Variants in TUSC3 observed in about 807,000 individuals in gnomAD.
TUSC3 encodes dolichyl-diphosphooligosaccharide--protein glycosyltransferase subunit TUSC3.
TUSC3 carries 45 observed loss-of-function variants against 44.8 expected under a neutral mutation model. That is an observed-to-expected ratio of 1.00 (90% CI 0.79 to 1.29). The LOEUF (loss-of-function observed/expected upper bound fraction) is 1.29. Among genes scored for constraint, TUSC3 ranks in the 50% most tolerant of loss-of-function variants. The pLI, the probability that TUSC3 is intolerant of heterozygous loss-of-function variation, is 0.00. For synonymous variants in TUSC3, 212 were observed against 152.9 expected, an observed-to-expected ratio of 1.39 and a Z score of -2.85; for missense variants, 519 against 437.9, an observed-to-expected ratio of 1.19 and a Z score of -1.65.
chr8:15,774,823 T>TA, the TUSC3 span, among the ~76,000 whole-genome samples: 3 of 152,034 alleles, frequency 2.0e-5, no homozygotes, highest in South Asian at 4.1e-4. Flanking sequence ...ATTTTTTTTT[T>TA]AAAGGAAAAT....
At chr8:15,715,414 A>G (rs935545828) in intron 6 of TUSC3, among the ~76,000 whole-genome samples, 1 of 152,074 alleles carries the variant, frequency 6.6e-6, no homozygotes, top group East Asian at 1.9e-4. Flanking sequence ...TGATCTGTCA[A>G]CCTGATAACT....
At chr8:15,851,731 T>C in the TUSC3 span, among the ~76,000 whole-genome samples, 2 of 152,250 alleles carry the variant, frequency 1.3e-5, no homozygotes, top group Non-Finnish European at 2.9e-5. Flanking sequence ...TTCATTTTGC[T>C]GTTAGCATTC....
At chr8:15,807,930 G>A in the TUSC3 span, among the ~76,000 whole-genome samples, 1 of 152,088 alleles carries the variant, frequency 6.6e-6, no homozygotes, top group African/African-American at 2.4e-5. Context: ...CTATATCTGG[G>A]GGACAGAGCA....
the TUSC3 span, among the ~76,000 whole-genome samples, chr8:15,800,031 G>A: frequency 6.6e-6 from 1 of 152,070 alleles, no homozygotes; most frequent in East Asian, 1.9e-4. Flanking sequence ...TGTTTATAAC[G>A]GGCAGCAAGC....
At chr8:15,666,781 T>C (rs1182156686) in intron 5 of TUSC3, among the ~76,000 whole-genome samples, 1 of 151,494 alleles carries the variant, frequency 6.6e-6, no homozygotes, top group East Asian at 1.9e-4. Context: ...ACAGTTCTGC[T>C]CATCAGGCAA....
At chr8:15,746,972 C>T (rs949330596) in intron 8 of TUSC3, among the ~76,000 whole-genome samples, 1 of 151,718 alleles carries the variant, frequency 6.6e-6, no homozygotes, top group Non-Finnish European at 1.5e-5. Context: ...TATTTTCTCC[C>T]AATATTCATT....
intron 1 of TUSC3, among the ~76,000 whole-genome samples, chr8:15,616,724 G>C (rs968617788): frequency 6.6e-6 from 1 of 152,222 alleles, no homozygotes; most frequent in African/African-American, 2.4e-5. Context: ...TGGGGGCTCT[G>C]ACCTCGAGAC....
At chr8:15,740,473 C>T (rs1014601932) in intron 7 of TUSC3, among the ~76,000 whole-genome samples, 1 of 151,630 alleles carries the variant, frequency 6.6e-6, no homozygotes, top group Non-Finnish European at 1.5e-5. Context: ...AAAATGTTGT[C>T]CTCCAAGTTA....
the TUSC3 span, among the ~76,000 whole-genome samples, chr8:15,838,143 T>G: frequency 1.3e-5 from 2 of 152,208 alleles, no homozygotes; most frequent in Admixed American, 1.3e-4. Context: ...AGAGCCTTTG[T>G]CTGTGCCCTG....
intron 1 of TUSC3, among the ~76,000 whole-genome samples, chr8:15,427,229 C>T (rs115158679): frequency 0.65 from 94,278 of 144,760 alleles, 32,968 homozygotes; most frequent in Non-Finnish European, 0.77. Context: ...AAGGTTTTTC[C>T]TTTTTTTTTT....
chr8:15,432,739 C>T (rs1799886861), intron 1 of TUSC3, among the ~76,000 whole-genome samples: 1 of 151,934 alleles, frequency 6.6e-6, no homozygotes, highest in African/African-American at 2.4e-5. Flanking sequence ...TCTCGGATCC[C>T]CTCACCCCGC....
At chr8:15,524,535 A>T (rs1801347592) in intron 2 of TUSC3, among the ~76,000 whole-genome samples, 1 of 152,228 alleles carries the variant, frequency 6.6e-6, no homozygotes. Context: ...CCATGTGGAA[A>T]TGATATCCAA....
chr8:15,450,411 C>T (rs1585050444), intron 1 of TUSC3, among the ~76,000 whole-genome samples: 3 of 152,168 alleles, frequency 2.0e-5, no homozygotes, highest in South Asian at 2.1e-4. Flanking sequence ...GTTGGCTGGG[C>T]GTGGCGGCTA....
intron 1 of TUSC3, among the ~76,000 whole-genome samples, chr8:15,605,512 A>G (rs1484311649): frequency 6.6e-6 from 1 of 151,978 alleles, no homozygotes; most frequent in East Asian, 1.9e-4. Flanking sequence ...GTCTATTTAT[A>G]CATAGATTTT....
At chr8:15,629,246 A>G (rs1444988860) in intron 2 of TUSC3, among the ~76,000 whole-genome samples, 2 of 152,120 alleles carry the variant, frequency 1.3e-5, no homozygotes, top group Non-Finnish European at 2.9e-5. Context: ...GAGTTTGTAG[A>G]TGAGGATGAA....
At chr8:15,518,653 C>T (rs1269247104) in intron 2 of TUSC3, among the ~76,000 whole-genome samples, 2 of 152,068 alleles carry the variant, frequency 1.3e-5, no homozygotes, top group East Asian at 3.8e-4. Flanking sequence ...TGCAGGAATG[C>T]CTACCAGTCT....
the TUSC3 span, among the ~76,000 whole-genome samples, chr8:15,830,617 G>T: frequency 2.0e-5 from 3 of 152,092 alleles, no homozygotes; most frequent in African/African-American, 7.2e-5. Context: ...AGCAACACAG[G>T]TAGAGGTGGA....
At chr8:15,636,751 A>G (rs1006466664) in intron 2 of TUSC3, among the ~76,000 whole-genome samples, 3 of 152,214 alleles carry the variant, frequency 2.0e-5, no homozygotes, top group South Asian at 2.1e-4. Flanking sequence ...ATGAAGACGA[A>G]TGTTCCAGTG....
chr8:15,688,591 T>C (rs2111754), intron 6 of TUSC3, among the ~76,000 whole-genome samples: 129,028 of 151,654 alleles, frequency 0.85, 55,091 homozygotes, highest in Non-Finnish European at 0.88. Flanking sequence ...CCCTCAAGTA[T>C]ACCCTAGTAT....
Sources: allele counts gnomAD v4.1 joint callset (sites outside exome capture counted in the v4.1 genomes callset), GRCh38; gene constraint gnomAD v4.1.1; transcripts MANE v1.5; gene names NCBI Gene and HGNC (gene_info 2026-07-23, HGNC 2026-07-21).